The following ANKRD62 variants were observed in gnomAD, a reference collection of about 807,000 sequenced individuals.
The protein encoded by ANKRD62 is ankyrin repeat domain-containing protein 62.
ANKRD62 carries 61 observed loss-of-function variants against 98.8 expected under a neutral mutation model. That is an observed-to-expected ratio of 0.62 (90% CI 0.50 to 0.76). The LOEUF (loss-of-function observed/expected upper bound fraction) is 0.76, where lower values mean the gene tolerates loss of function less well. Among genes scored for constraint, ANKRD62 ranks in the 30% least tolerant of loss-of-function variants. The probability of loss-of-function intolerance (pLI) is 0.00; values close to 1 mark genes in which losing one functional copy is unlikely to be tolerated. For missense variants in ANKRD62, 933 were observed against 1,082.9 expected (o/e 0.86, Z 1.94); for synonymous variants, 341 against 367.9 (o/e 0.93, Z 0.84).
At chr18:12,146,435 A>G in the ANKRD62 span, among the ~76,000 whole-genome samples, 1 of 152,036 alleles carries the variant, frequency 6.6e-6, no homozygotes. Flanking sequence ...ATGGGGCCAG[A>G]CTTTTTTGGG....
At chr18:12,133,355 A>G (rs1336417954), downstream of ANKRD62, among the ~76,000 whole-genome samples, 1 of 152,198 alleles carries the variant, frequency 6.6e-6, no homozygotes, top group Non-Finnish European at 1.5e-5. Flanking sequence ...AACTATTATG[A>G]ATAACGTACT....
the ANKRD62 span, among the ~76,000 whole-genome samples, chr18:12,163,031 G>A: frequency 6.6e-5 from 10 of 152,106 alleles, no homozygotes; most frequent in East Asian, 1.2e-3. Flanking sequence ...TTTTAGAATT[G>A]TTTTTTCTTT....
At chr18:12,112,979 TC>T (rs895878458) in intron 8 of ANKRD62, among the ~76,000 whole-genome samples, 8 of 152,142 alleles carry the variant, frequency 5.3e-5, no homozygotes, top group African/African-American at 1.9e-4. Context: ...CACTGCAACC[TC>T]CCCATCCCGG....
chr18:12,121,474 G>A (rs1219535297), intron 10 of ANKRD62, among the ~76,000 whole-genome samples: 1 of 152,112 alleles, frequency 6.6e-6, no homozygotes, highest in Non-Finnish European at 1.5e-5. Context: ...AAGTTTCCTA[G>A]CACACATCCA....
At chr18:12,179,741 T>C in the ANKRD62 span, among the ~76,000 whole-genome samples, 1 of 142,966 alleles carries the variant, frequency 7.0e-6, no homozygotes, top group Admixed American at 7.1e-5. Context: ...GCCAGATGAG[T>C]TAGCGAGCCC....
chr18:12,125,009 G>T (rs1909857350), intron 12 of ANKRD62, among the ~76,000 whole-genome samples: 1 of 152,102 alleles, frequency 6.6e-6, no homozygotes, highest in South Asian at 2.1e-4. Context: ...AATAGTCACA[G>T]GAAAAAGAAA....
At chr18:12,175,956 C>G in the ANKRD62 span, among the ~76,000 whole-genome samples, 1 of 151,740 alleles carries the variant, frequency 6.6e-6, no homozygotes, top group South Asian at 2.1e-4. Flanking sequence ...CTTTGGGAGG[C>G]CGAGGTGGAT....
chr18:12,157,887 A>G, the ANKRD62 span, among the ~76,000 whole-genome samples: 6 of 152,224 alleles, frequency 3.9e-5, no homozygotes, highest in Admixed American at 3.9e-4. Flanking sequence ...ATGTCAACAG[A>G]CCAGCTTCCC....
At chr18:12,151,879 A>G in the ANKRD62 span, among the ~76,000 whole-genome samples, 1 of 152,174 alleles carries the variant, frequency 6.6e-6, no homozygotes, top group South Asian at 2.1e-4. Context: ...GATGAAGGCA[A>G]TGTGACCACT....
intron 3 of ANKRD62, 110 bp from the exon 4 acceptor site, chr18:12,096,086 A>T: frequency 1.3e-6 from 1 of 764,116 alleles, no homozygotes; most frequent in Non-Finnish European, 2.1e-6. Flanking sequence ...ATTGCTTTTT[A>T]TTTACTTTCT....
chr18:12,172,766 C>G, the ANKRD62 span, among the ~76,000 whole-genome samples: 9 of 152,222 alleles, frequency 5.9e-5, no homozygotes, highest in East Asian at 1.7e-3. Flanking sequence ...CCAGGTCAAA[C>G]TTCCCAGCGG....
chr18:12,173,878 C>T, the ANKRD62 span, among the ~76,000 whole-genome samples: 4 of 152,186 alleles, frequency 2.6e-5, no homozygotes, highest in Non-Finnish European at 4.4e-5. Flanking sequence ...TGATGGATTT[C>T]CCTTTGTAGG....
At position 12,115,091 on chromosome 18, in the gene ANKRD62, T is replaced by G; in HGVS notation, c.1068T>G (p.Leu356=). 1 of 1,399,592 alleles carries G rather than the reference T, an allele frequency of 7.1e-7. No homozygotes were observed. Among genetic ancestry groups the G allele is most frequent in the Middle Eastern group, 1.8e-4 (1 of 5,410 alleles). The allele number at this position is 1,399,592 out of a possible 1,614,324, so 86.7% of individuals were successfully genotyped here. Residue 356 remains leucine, a synonymous_variant, in exon 9 of 14, where the codon CTT becomes CTG. Coordinates refer to ENST00000587848, the MANE Select transcript of ANKRD62 (RefSeq NM_001277333.2). ...PGKENGEFDR[L]ARKTSNEKSK... ...AATTTTTTGGTTTTTTTTTTAGGCT[T>G]GCAAGGAAAACCTCTAATGAAAAGA... is the stretch of plus-strand genomic sequence containing the variant.
chr18:12,102,603 G>T, intron 6 of ANKRD62: 1 of 485,566 alleles, frequency 2.1e-6, no homozygotes, highest in Non-Finnish European at 2.9e-6. Flanking sequence ...AAAACTGTTT[G>T]TCTGGGGAAA....
chr18:12,122,181 A>G (rs931930805), intron 10 of ANKRD62, 122 bp from the exon 11 acceptor site: 43 of 649,236 alleles, frequency 6.6e-5, no homozygotes, highest in Middle Eastern at 8.8e-4. Flanking sequence ...CCACATTGCA[A>G]GCACTTAATA....
At chr18:12,160,886 G>A in the ANKRD62 span, among the ~76,000 whole-genome samples, 1 of 152,096 alleles carries the variant, frequency 6.6e-6, no homozygotes, top group East Asian at 1.9e-4. Flanking sequence ...AGTGCCATAG[G>A]AAGATGTGCT....
chr18:12,098,511 C>T (rs890067600), intron 5 of ANKRD62: 1 of 152,234 alleles, frequency 6.6e-6, no homozygotes, highest in Non-Finnish European at 1.5e-5. Flanking sequence ...TCACACTAAT[C>T]TGTGAAGCAG....
At chr18:12,102,858 T>A (rs1909334744) in intron 6 of ANKRD62, 1 of 813,356 alleles carries the variant, frequency 1.2e-6, no homozygotes, top group East Asian at 7.1e-5. Flanking sequence ...TCAAATTTTG[T>A]TTTTCTGATG....
chr18:12,124,571 T>G (rs1018234079), intron 12 of ANKRD62, among the ~76,000 whole-genome samples: 2 of 152,176 alleles, frequency 1.3e-5, no homozygotes, highest in Admixed American at 1.3e-4. Context: ...TGGTAAGTAA[T>G]TTGTTCCTAG....
Sources: allele counts gnomAD v4.1 joint callset (sites outside exome capture counted in the v4.1 genomes callset), GRCh38; gene constraint gnomAD v4.1.1; transcripts MANE v1.5; gene names NCBI Gene and HGNC (gene_info 2026-07-23, HGNC 2026-07-21).